Variants in EVL observed in about 807,000 individuals in gnomAD.
EVL encodes ena/VASP-like protein.
Under a neutral mutation model 59.6 loss-of-function variants are expected in EVL, and 21 were observed. That is an observed-to-expected ratio of 0.35 (90% confidence interval 0.25 to 0.51). The LOEUF is 0.51. Ranked by LOEUF, EVL falls within the 20% of genes least tolerant of loss-of-function variation. The probability of loss-of-function intolerance (pLI) is 0.97; values close to 1 mark genes in which losing one functional copy is unlikely to be tolerated. For missense variants in EVL, 462 were observed against 546.6 expected, an observed-to-expected ratio of 0.85 and a Z score of 1.54; for synonymous variants, 198 against 203.5, an observed-to-expected ratio of 0.97 and a Z score of 0.23.
Position 100,085,075 on chromosome 14 carries a change from A to G in EVL, c.180+220A>G, listed in dbSNP as rs73347893. 5.5e-3 allele frequency: 2,728 copies of G among 495,122 alleles called. 67 individuals carry two copies. The highest frequency in any genetic ancestry group is 0.049 in the African/African-American group (2,507 of 51,466). The allele number at this position is 495,122 out of a possible 1,614,324, so 30.7% of individuals were successfully genotyped here. A position where few individuals can be genotyped will look rare whatever the true frequency, so the allele number is the denominator to read the frequency against. ...TTCACTTTTTACCTATGTCATATGG[A>G]GACAGTAATCCGCACCCTGCCTATT... On this transcript the variant is annotated intron_variant, in intron 2 of 13. Transcript: ENST00000392920.
intron 7 of EVL, 79 bp from the exon 8 acceptor site, chr14:100,132,640 C>A: frequency 6.7e-7 from 1 of 1,494,026 alleles, no homozygotes; most frequent in Non-Finnish European, 9.3e-7. Context: ...GTGAGTCTGG[C>A]AGGGTGGAGG....
chr14:100,084,400 A>G (rs2062388745), intron 1 of EVL, among the ~76,000 whole-genome samples: 1 of 152,144 alleles, frequency 6.6e-6, no homozygotes, highest in Non-Finnish European at 1.5e-5. Context: ...GCAAATTATA[A>G]TTGTAATTCC....
Position 99,972,027 on chromosome 14 carries a change from C to G in EVL, c.-26C>G, listed in dbSNP as rs1363127290. 5 of 216,334 alleles carry G rather than the reference C, an allele frequency of 2.3e-5. No individual in the cohort carries two copies. The highest frequency in any genetic ancestry group is 3.6e-5 in the Non-Finnish European group (4 of 110,690). The allele number at this position is 216,334 out of a possible 1,614,324, so 13.4% of individuals were successfully genotyped here. ...CGCCGCCGCCGGGTCGCCCCTGGCCCGGCGCGCCCGTCCCCGGCAGCGACA... is the reference window on the plus strand; with the variant it reads ...CGCCGCCGCCGGGTCGCCCCTGGCCGGGCGCGCCCGTCCCCGGCAGCGACA... On this transcript the variant is annotated 5_prime_UTR_variant, in exon 1 of 14. Transcript: ENST00000402714. This position sits in a 1 kb window ranked among gnomAD's most constrained non-coding sequence, Gnocchi z 4.4.
chr14:100,128,811 C>A, intron 6 of EVL, 63 bp downstream of exon 6: 3 of 1,420,384 alleles, frequency 2.1e-6, no homozygotes, highest in Non-Finnish European at 2.9e-6. Flanking sequence ...ATCTGCAGAG[C>A]GCTTGTGTTC....
chr14:100,136,777 C>A (rs1243517308), intron 9 of EVL, among the ~76,000 whole-genome samples: 2 of 152,152 alleles, frequency 1.3e-5, no homozygotes, highest in African/African-American at 4.8e-5. Context: ...GGCTGATGAA[C>A]GTGATCAATA....
chr14:99,980,711 T>C (rs2060800573), intron 1 of EVL, among the ~76,000 whole-genome samples: 4 of 152,248 alleles, frequency 2.6e-5, no homozygotes, highest in Admixed American at 6.5e-5. Context: ...TTGTAAGGGC[T>C]ATAGGGATTC....
rs1274782758 is a variant in EVL, at chr14:100,108,402, T to C, written c.358+10744T>C. ...TGGCTGCCGAGGCCATTTGACACCT[T>C]GTGCCACCTGAGAGAAAGCAGGCCC... On this transcript the variant is annotated intron_variant, in intron 3 of 13. Coordinates refer to ENST00000392920, the MANE Select transcript of EVL (RefSeq NM_016337.3). The surrounding 1 kb of genome is among the most constrained non-coding windows in gnomAD (Gnocchi z 4.1). Among the ~76,000 whole-genome samples, 1 of 152,150 alleles carries C rather than the reference T, an allele frequency of 6.6e-6. No homozygotes were observed. The highest frequency in any genetic ancestry group is 2.4e-5 in the African/African-American group (1 of 41,412).
rs948752113 is a variant in EVL, at chr14:100,144,179, G to C, written c.*441G>C. On this transcript the variant is annotated 3_prime_UTR_variant, in exon 14 of 14. Transcript: ENST00000392920. ...CCCCAGCGCTCATGGTGTTGAAACTGTCTGTCATGCACCACGGTGTCTGTG... is the reference window on the plus strand; with the variant it reads ...CCCCAGCGCTCATGGTGTTGAAACTCTCTGTCATGCACCACGGTGTCTGTG... 1.1e-5 allele frequency: 2 copies of C among 190,104 alleles called. No homozygotes were observed. Among genetic ancestry groups the C allele is most frequent in the African/African-American group, 2.4e-5 (1 of 42,310 alleles). 11.8% of individuals were successfully genotyped at this position (190,104 alleles called of 1,614,324 possible).
At chr14:100,004,573 C>A (rs764236067) in intron 1 of EVL, among the ~76,000 whole-genome samples, 1 of 151,840 alleles carries the variant, frequency 6.6e-6, no homozygotes, top group Admixed American at 6.6e-5. Flanking sequence ...TTTAATAAAT[C>A]CTCTTATTGT....
chr14:100,006,011 C>CG (rs1491006092), intron 1 of EVL, among the ~76,000 whole-genome samples: 1 of 7,112 alleles, frequency 1.4e-4, no homozygotes, highest in Non-Finnish European at 4.9e-4. Context: ...TGGCCATTTC[C>CG]CCCCCCCCCC....
At chr14:99,982,392 G>A (rs1218851181) in intron 1 of EVL, among the ~76,000 whole-genome samples, 1 of 152,098 alleles carries the variant, frequency 6.6e-6, no homozygotes, top group Non-Finnish European at 1.5e-5. Flanking sequence ...TGGGACCAAA[G>A]GGTATAAACA....
At position 100,016,478 on chromosome 14, in the gene EVL, G is replaced by A. The variant is rs113565480; in HGVS notation, c.5+44421G>A. Among the ~76,000 whole-genome samples the A allele has an allele frequency of 1.1e-3, 167 of 152,342 alleles. 4 individuals are homozygous for A. Among genetic ancestry groups the A allele is most frequent in the African/African-American group, 3.7e-3 (155 of 41,576 alleles). On this transcript the variant is annotated intron_variant, in intron 1 of 13. Transcript: ENST00000402714. ...CAGGAGGCAGAGGTTGCAGTGAGCT[G>A]AGATTGCGCCACTGCACTGCAGCTT...
chr14:100,106,733 C>G, intron 3 of EVL: 1 of 397,804 alleles, frequency 2.5e-6, no homozygotes, highest in Non-Finnish European at 4.4e-6. Flanking sequence ...TTGTGAAACT[C>G]GGGCTGGTTC....
At position 100,065,422 on chromosome 14, in the gene EVL, G is replaced by C; in HGVS notation, c.-79G>C. 7.6e-7 allele frequency: 1 copy of C among 1,316,232 alleles called. No homozygotes were observed. The highest frequency in any genetic ancestry group is 1.5e-5 in the African/African-American group (1 of 66,728). 81.5% of individuals were successfully genotyped at this position (1,316,232 alleles called of 1,614,324 possible). On this transcript the variant is annotated 5_prime_UTR_variant, in exon 1 of 14. Transcript: ENST00000392920. ...TCAAGTTGCTGTCTTCAGAGGGTCT[G>C]TGGTCCTCTGATCAACATAGGCTGG... is the stretch of plus-strand genomic sequence containing the variant.
chr14:100,033,596 G>C (rs956496179), intron 1 of EVL, among the ~76,000 whole-genome samples: 1 of 152,154 alleles, frequency 6.6e-6, no homozygotes, highest in Non-Finnish European at 1.5e-5. Context: ...AGCAATGTTT[G>C]TTTTATATAA....
Position 100,123,673 on chromosome 14 carries a change from C to T in EVL, c.422+71C>T, listed in dbSNP as rs946803350. 6.0e-5 allele frequency: 92 copies of T among 1,525,840 alleles called. No homozygotes were observed. In the African/African-American group the frequency reaches 7.8e-4, roughly 13 times the overall value. 94.5% of individuals were successfully genotyped at this position (1,525,840 alleles called of 1,614,324 possible). Reference sequence around the variant, plus strand: ...GCTGGGTGGCCAGGGGTGCCTTCAGCGGGTGAGGATGCACCAGCAGCCAAG... The same window carrying T: ...GCTGGGTGGCCAGGGGTGCCTTCAGTGGGTGAGGATGCACCAGCAGCCAAG... On this transcript the variant is annotated intron_variant, in intron 4 of 13. Coordinates refer to ENST00000392920, the MANE Select transcript of EVL (RefSeq NM_016337.3).
intron 1 of EVL, among the ~76,000 whole-genome samples, chr14:99,986,726 A>G (rs2060842707): frequency 6.6e-6 from 1 of 152,218 alleles, no homozygotes. Context: ...AGTACGTGCA[A>G]TTCAGCATGT....
chr14:100,012,861 G>T (rs1416587877), intron 1 of EVL, among the ~76,000 whole-genome samples: 1 of 152,374 alleles, frequency 6.6e-6, no homozygotes, highest in Middle Eastern at 3.4e-3. Flanking sequence ...GTATGACTAA[G>T]AATTGCTGTG....
chr14:100,103,910 A>C (rs1280860056), intron 3 of EVL, among the ~76,000 whole-genome samples: 1 of 152,160 alleles, frequency 6.6e-6, no homozygotes, highest in African/African-American at 2.4e-5. Context: ...CCCGGCACCC[A>C]GGGCCCTGTG....
Sources: allele counts gnomAD v4.1 joint callset (sites outside exome capture counted in the v4.1 genomes callset), GRCh38; gene constraint gnomAD v4.1.1; non-coding constraint Gnocchi (gnomAD v3.1); transcripts MANE v1.5; gene names NCBI Gene and HGNC (gene_info 2026-07-23, HGNC 2026-07-21).